POLR3B: variants seen among roughly 807,000 people sequenced by gnomAD.
The protein encoded by POLR3B is RNA polymerase III subunit B.
POLR3B carries 96 observed loss-of-function variants against 147.4 expected under a neutral mutation model. The observed-to-expected ratio is 0.65, with a 90% CI of 0.55 to 0.77. The LOEUF is 0.77. POLR3B is among the 30% of genes least tolerant of loss of function. The probability of loss-of-function intolerance (pLI) is 0.00; values close to 1 mark genes in which losing one functional copy is unlikely to be tolerated. For missense variants in POLR3B, 1,036 were observed against 1,413.5 expected (o/e 0.73, Z 4.28); for synonymous variants, 461 against 485.9 (o/e 0.95, Z 0.67).
intron 19 of POLR3B, among the ~76,000 whole-genome samples, chr12:106,447,108 G>A (rs1023009877): frequency 6.6e-6 from 1 of 152,178 alleles, no homozygotes; most frequent in African/African-American, 2.4e-5. Flanking sequence ...GAGCTTCTAT[G>A]TGGATTTTCT....
intron 27 of POLR3B, chr12:106,507,545 C>T: frequency 3.8e-6 from 1 of 264,780 alleles, no homozygotes. Context: ...ATTACATCAA[C>T]CCAAGCACAT....
In POLR3B at chr12:106,504,616, C is replaced by T. The variant is rs527636043; in HGVS notation, c.3272+362C>T. Among the ~76,000 whole-genome samples, 61 of 152,294 alleles carry T rather than the reference C, an allele frequency of 4.0e-4. No homozygotes were observed. The highest frequency in any genetic ancestry group is 2.3e-3 in the South Asian group (11 of 4,828). On this transcript the variant is annotated intron_variant, in intron 27 of 27. Transcript: ENST00000228347. This position sits in a 1 kb window ranked among gnomAD's most constrained non-coding sequence, Gnocchi z 4.6. ...AGAAACTCTTTAGGGAAGATTACAT[C>T]GAATGCTTTCATTTGTAACTTCAGA...
At chr12:106,402,443 A>C (rs1442948562) in intron 10 of POLR3B, among the ~76,000 whole-genome samples, 1 of 152,230 alleles carries the variant, frequency 6.6e-6, no homozygotes. Flanking sequence ...CTTTCTTCAC[A>C]GAATTGGAAA....
intron 10 of POLR3B, among the ~76,000 whole-genome samples, chr12:106,402,473 A>T (rs1327400607): frequency 6.6e-6 from 1 of 152,202 alleles, no homozygotes; most frequent in Non-Finnish European, 1.5e-5. Flanking sequence ...TAAAGTTCAT[A>T]TGGAACCAAA....
intron 20 of POLR3B, among the ~76,000 whole-genome samples, chr12:106,455,399 CAT>C: frequency 6.6e-6 from 1 of 152,176 alleles, no homozygotes; most frequent in Non-Finnish European, 1.5e-5. Context: ...TACTCCTAGA[CAT>C]GTGTCTTTGG....
chr12:106,472,074 CATT>C (rs1317328819), intron 23 of POLR3B, among the ~76,000 whole-genome samples: 2 of 124,726 alleles, frequency 1.6e-5, no homozygotes, highest in African/African-American at 6.8e-5. Flanking sequence ...CATGTGATCT[CATT>C]GTTCAATTCC....
chr12:106,393,006 T>C (rs745646092), intron 9 of POLR3B, 25 bp from the exon 10 acceptor site: 39 of 1,613,870 alleles, frequency 2.4e-5, no homozygotes, highest in Non-Finnish European at 3.1e-5. Flanking sequence ...GCCAACACTC[T>C]TTCTATCTTT....
chr12:106,462,788 C>A (rs114415610), intron 22 of POLR3B, among the ~76,000 whole-genome samples: 2,907 of 152,194 alleles, frequency 0.019, 98 homozygotes, highest in African/African-American at 0.067. Flanking sequence ...TGTCAGTGAC[C>A]CACTCTGGTC....
intron 6 of POLR3B, among the ~76,000 whole-genome samples, chr12:106,373,407 C>A (rs935791815): frequency 6.6e-6 from 1 of 152,012 alleles, no homozygotes; most frequent in African/African-American, 2.4e-5. Context: ...GCTACATTTG[C>A]TTTCTTTTGG....
intron 7 of POLR3B, among the ~76,000 whole-genome samples, chr12:106,377,282 G>T (rs991985028): frequency 6.6e-6 from 1 of 152,104 alleles, no homozygotes; most frequent in Non-Finnish European, 1.5e-5. Flanking sequence ...ATTTCACATT[G>T]ATTTATTTGA....
rs2037699716 is a variant in POLR3B at position 106,444,723 on chromosome 12, G to A, written c.2083+133G>A. 7.6e-6 allele frequency: 7 copies of A among 919,906 alleles called. No homozygotes were observed. The Admixed American group carries it at 1.4e-4, about 18-fold the overall frequency. 57.0% of individuals were successfully genotyped at this position (919,906 alleles called of 1,614,324 possible). A position where few individuals can be genotyped will look rare whatever the true frequency, so the allele number is the denominator to read the frequency against. ...ACTGGGAACACCTGAGGGTTACCAA[G>A]CCCAGGGAGTTGCCTATGGAACTCT... On this transcript the variant is annotated intron_variant, in intron 19 of 27. Transcript: ENST00000228347.
rs919140800 is a variant in POLR3B, at chr12:106,377,199, T to A, written c.496+749T>A. On this transcript the variant is annotated intron_variant, in intron 7 of 27. Coordinates refer to ENST00000228347, the MANE Select transcript of POLR3B (RefSeq NM_018082.6). Reference sequence around the variant, plus strand: ...TTAAAAATTTTATTTTTGTACCTATTTCTAGGCAATTTCTTTTGTAAAATT... The same window carrying A: ...TTAAAAATTTTATTTTTGTACCTATATCTAGGCAATTTCTTTTGTAAAATT... Among the ~76,000 whole-genome samples the A allele has an allele frequency of 1.3e-5, 2 of 152,226 alleles. 1 individual carries two copies. The highest frequency in any genetic ancestry group is 2.9e-5 in the Non-Finnish European group (2 of 68,042).
At chr12:106,501,195 C>T in intron 25 of POLR3B, 128 bp from the exon 26 acceptor site, 1 of 720,346 alleles carries the variant, frequency 1.4e-6, no homozygotes, top group South Asian at 1.5e-5. Context: ...TCATTCACTA[C>T]AGACTGAAAA....
intron 23 of POLR3B, among the ~76,000 whole-genome samples, chr12:106,485,523 C>G (rs1180858834): frequency 6.6e-6 from 1 of 152,072 alleles, no homozygotes; most frequent in Non-Finnish European, 1.5e-5. Context: ...GTGGCTTGGA[C>G]TAGGACAGCA....
At chr12:106,458,189 T>C (rs2037888982) in intron 21 of POLR3B, among the ~76,000 whole-genome samples, 1 of 152,080 alleles carries the variant, frequency 6.6e-6, no homozygotes, top group African/African-American at 2.4e-5. Context: ...TGGCACAATC[T>C]CAGCTCACTG....
intron 13 of POLR3B, among the ~76,000 whole-genome samples, chr12:106,427,787 A>G (rs1173153258): frequency 6.6e-6 from 1 of 152,188 alleles, no homozygotes; most frequent in South Asian, 2.1e-4. Flanking sequence ...TCACATAAGC[A>G]ATGAATTCAG....
At chr12:106,479,423 C>T (rs1426793000) in intron 23 of POLR3B, among the ~76,000 whole-genome samples, 10 of 151,418 alleles carry the variant, frequency 6.6e-5, no homozygotes, top group African/African-American at 1.7e-4. Flanking sequence ...CTGTGTCGCC[C>T]GGGCTGGAGT....
chr12:106,393,105 G>T lies in POLR3B; in HGVS notation c.798G>T (p.Gly266=). The change falls in exon 10 of 28, where the codon GGG becomes GGT. Residue 266 remains glycine, a synonymous_variant. Transcript: ENST00000228347. The part of the protein sequence containing the change: ...GTEEHVMAAF[G]PSLEECQKAQ... ...AGGAGCACGTGATGGCTGCATTTGG[G>T]CCCAGTCTGGAAGAGTGCCAGAAAG... 1 of 1,614,178 alleles carries T rather than the reference G, an allele frequency of 6.2e-7. No homozygotes were observed. Among genetic ancestry groups the T allele is most frequent in the East Asian group, 2.2e-5 (1 of 44,882 alleles).
At chr12:106,419,222 A>G (rs984466203) in intron 12 of POLR3B, among the ~76,000 whole-genome samples, 2 of 152,166 alleles carry the variant, frequency 1.3e-5, no homozygotes, top group Non-Finnish European at 2.9e-5. Flanking sequence ...GTCTCACTGT[A>G]AGAAAGGATT....
Sources: allele counts gnomAD v4.1 joint callset (sites outside exome capture counted in the v4.1 genomes callset), GRCh38; gene constraint gnomAD v4.1.1; non-coding constraint Gnocchi (gnomAD v3.1); transcripts MANE v1.5; gene names NCBI Gene and HGNC (gene_info 2026-07-23, HGNC 2026-07-21).